The following GSTCD variants were observed in gnomAD, a reference collection of about 807,000 sequenced individuals.
GSTCD encodes glutathione S-transferase C-terminal domain containing.
In GSTCD, 44 loss-of-function variants were observed where a neutral mutation model predicts 68.3. The ratio of observed to expected loss-of-function variants is 0.64; its 90% CI spans 0.51 to 0.83. The LOEUF is 0.83. GSTCD is among the 40% of genes least tolerant of loss of function. The probability of loss-of-function intolerance (pLI) is 0.00; values close to 1 mark genes in which losing one functional copy is unlikely to be tolerated. For missense variants in GSTCD, 739 were observed against 735.9 expected (o/e 1.00, Z -0.05); for synonymous variants, 273 against 255.2 (o/e 1.07, Z -0.67).
intron 4 of GSTCD, 68 bp downstream of exon 4, chr4:105,726,898 C>A: frequency 2.5e-6 from 3 of 1,212,984 alleles, no homozygotes; most frequent in Non-Finnish European, 3.5e-6. Context: ...TCTACTCCAA[C>A]TTGTAATCAT....
intron 1 of GSTCD, among the ~76,000 whole-genome samples, chr4:105,713,179 A>T (rs915063095): frequency 9.9e-5 from 15 of 151,984 alleles, no homozygotes; most frequent in East Asian, 7.7e-4. Flanking sequence ...TATAAAATAT[A>T]TACCTAATTG....
intron 10 of GSTCD, among the ~76,000 whole-genome samples, chr4:105,838,377 T>C (rs1409404593): frequency 6.6e-6 from 1 of 152,252 alleles, no homozygotes; most frequent in African/African-American, 2.4e-5. Context: ...CAGAGGAAAA[T>C]TCTTTTGTAA....
At chr4:105,793,215 A>T (rs577550364) in intron 5 of GSTCD, among the ~76,000 whole-genome samples, 1 of 152,012 alleles carries the variant, frequency 6.6e-6, no homozygotes, top group Non-Finnish European at 1.5e-5. Flanking sequence ...GACCTATAAC[A>T]ACCTATAGCA....
intron 5 of GSTCD, chr4:105,746,265 CTATT>C (rs1733799222): frequency 6.6e-6 from 1 of 151,900 alleles, no homozygotes; most frequent in Non-Finnish European, 1.5e-5. Flanking sequence ...AATATATTTA[CTATT>C]TATTAGGTGG....
chr4:105,732,834 A>G (rs765767914), intron 5 of GSTCD, among the ~76,000 whole-genome samples: 5 of 152,196 alleles, frequency 3.3e-5, no homozygotes, highest in South Asian at 2.1e-4. Flanking sequence ...ATTTAGTGGT[A>G]TAAATTTCCC....
At chr4:105,749,605 T>TAAAAAAAAAAA (rs1733936805) in intron 5 of GSTCD, among the ~76,000 whole-genome samples, 1 of 140,998 alleles carries the variant, frequency 7.1e-6, no homozygotes. Context: ...TGAACATCCA[T>TAAAAAAAAAAA]AGGCAAAAAA....
At chr4:105,766,329 AAAGAG>A (rs1734605839) in intron 5 of GSTCD, among the ~76,000 whole-genome samples, 1 of 152,200 alleles carries the variant, frequency 6.6e-6, no homozygotes, top group South Asian at 2.1e-4. Flanking sequence ...TATGGGAAAC[AAAGAG>A]AAGAGAGAAG....
At chr4:105,797,070 G>T (rs1455305549) in intron 5 of GSTCD, among the ~76,000 whole-genome samples, 1 of 151,564 alleles carries the variant, frequency 6.6e-6, no homozygotes, top group East Asian at 1.9e-4. Flanking sequence ...GTGTGTGTGT[G>T]TGTGTGTGTA....
rs186481180 is a variant in GSTCD at position 105,845,690 on chromosome 4, T to C, written c.*113T>C. ...ACAGCATTAGCCATCTTGAACCTAT[T>C]GTGCTCAGGAAGGAAAGCAACAGGG... On this transcript the variant is annotated 3_prime_UTR_variant, in exon 12 of 12. Coordinates refer to ENST00000515279, the MANE Select transcript of GSTCD (RefSeq NM_001370181.1). The C allele has an allele frequency of 9.0e-7, 1 of 1,117,280 alleles. No homozygotes were observed. Among genetic ancestry groups the C allele is most frequent in the Admixed American group, 1.9e-5 (1 of 51,514 alleles). 69.2% of individuals were successfully genotyped at this position (1,117,280 alleles called of 1,614,324 possible). A position where few individuals can be genotyped will look rare whatever the true frequency, so the allele number is the denominator to read the frequency against.
At chr4:105,803,360 A>G (rs752102715) in intron 5 of GSTCD, among the ~76,000 whole-genome samples, 1 of 152,114 alleles carries the variant, frequency 6.6e-6, no homozygotes, top group Non-Finnish European at 1.5e-5. Context: ...ATAGCTTAAG[A>G]GTCAGAGAGG....
In GSTCD at chr4:105,846,874, G is replaced by C. The variant is rs1158164122; in HGVS notation, c.*1297G>C. 6.6e-6 allele frequency: 1 copy of C among 151,820 alleles called. No individual in the cohort carries two copies. 9.4% of individuals were successfully genotyped at this position (151,820 alleles called of 1,614,324 possible). A position where few individuals can be genotyped will look rare whatever the true frequency, so the allele number is the denominator to read the frequency against. On this transcript the variant is annotated 3_prime_UTR_variant, in exon 12 of 12. Transcript: ENST00000515279. ...GGGTTTCTCCATGTTGGCCAGGCTG[G>C]TTTCGAACTCCTGACCTCAGGTGAT...
intron 5 of GSTCD, among the ~76,000 whole-genome samples, chr4:105,757,062 A>G (rs1423121256): frequency 1.3e-5 from 2 of 152,172 alleles, no homozygotes; most frequent in Non-Finnish European, 2.9e-5. Flanking sequence ...GTTTGGCCAT[A>G]TTAGAGGAAA....
At chr4:105,718,540 C>T (rs992008333) in intron 2 of GSTCD, among the ~76,000 whole-genome samples, 1 of 152,146 alleles carries the variant, frequency 6.6e-6, no homozygotes, top group Non-Finnish European at 1.5e-5. Flanking sequence ...AACCTCTTTC[C>T]TTTATAAATT....
intron 5 of GSTCD, among the ~76,000 whole-genome samples, chr4:105,770,683 C>T (rs964128259): frequency 6.6e-6 from 1 of 152,132 alleles, no homozygotes; most frequent in Non-Finnish European, 1.5e-5. Flanking sequence ...TCATCCATGT[C>T]CCTGCAAAGG....
chr4:105,732,112 T>A (rs1336294396), intron 5 of GSTCD, among the ~76,000 whole-genome samples: 1 of 152,232 alleles, frequency 6.6e-6, no homozygotes, highest in East Asian at 1.9e-4. Context: ...TTATTGAGGA[T>A]TTTTGCATCA....
chr4:105,778,352 G>A (rs955034526), intron 5 of GSTCD, among the ~76,000 whole-genome samples: 3 of 151,936 alleles, frequency 2.0e-5, no homozygotes, highest in Admixed American at 6.6e-5. Context: ...ACATGCACAC[G>A]TCATCTTTCA....
At chr4:105,774,795 A>C (rs934492796) in intron 5 of GSTCD, among the ~76,000 whole-genome samples, 4 of 151,898 alleles carry the variant, frequency 2.6e-5, no homozygotes, top group Admixed American at 2.6e-4. Context: ...TTTTTCCTTC[A>C]TTTCAACCTT....
chr4:105,731,465 T>G (rs928360880), intron 5 of GSTCD, among the ~76,000 whole-genome samples: 3 of 152,208 alleles, frequency 2.0e-5, no homozygotes, highest in African/African-American at 7.2e-5. Context: ...TAAGTTGGAT[T>G]CCTAGGTATT....
intron 5 of GSTCD, among the ~76,000 whole-genome samples, chr4:105,799,111 C>T (rs919890002): frequency 6.6e-6 from 1 of 152,120 alleles, no homozygotes. Flanking sequence ...CCAATCTCTG[C>T]TAGGCTCCAA....
Sources: gnomAD v4.1 joint callset for allele counts (sites outside exome capture counted in the v4.1 genomes callset) on GRCh38, gnomAD v4.1.1 for gene constraint, MANE v1.5 for transcripts, NCBI Gene and HGNC (gene_info 2026-07-23, HGNC 2026-07-21) for gene names.